Variants in DYNC2H1 observed in about 807,000 individuals in gnomAD.
DYNC2H1 encodes dynein cytoplasmic 2 heavy chain 1.
In DYNC2H1, 410 loss-of-function variants were observed where a neutral mutation model predicts 570.0. The observed-to-expected ratio is 0.72, with a 90% CI of 0.66 to 0.78. The LOEUF (loss-of-function observed/expected upper bound fraction) is 0.78. DYNC2H1 is among the 30% of genes least tolerant of loss of function. The pLI, the probability that DYNC2H1 is intolerant of heterozygous loss-of-function variation, is 0.00. For missense variants in DYNC2H1, 4,865 were observed against 5,046.4 expected (o/e 0.96, Z 1.09); for synonymous variants, 1,688 against 1,677.6 (o/e 1.01, Z -0.15).
At chr11:103,269,575 A>G (rs1865624945) in intron 70 of DYNC2H1, among the ~76,000 whole-genome samples, 1 of 152,190 alleles carries the variant, frequency 6.6e-6, no homozygotes, top group South Asian at 2.1e-4. Flanking sequence ...CAGAAACATG[A>G]TTGACTTATT....
intron 78 of DYNC2H1, 41 bp from the exon 79 acceptor site, chr11:103,311,837 T>C (rs1867602125): frequency 6.5e-7 from 1 of 1,546,190 alleles, no homozygotes; most frequent in East Asian, 2.4e-5. Flanking sequence ...ATTTTACTTG[T>C]AGGATTTTAG....
At chr11:103,144,622 G>T (rs1031218945) in intron 18 of DYNC2H1, among the ~76,000 whole-genome samples, 2 of 152,282 alleles carry the variant, frequency 1.3e-5, no homozygotes, top group Middle Eastern at 3.4e-3. Context: ...TTTTATTAGA[G>T]ACTAGAGGGA....
chr11:103,340,365 C>T (rs17100415), intron 82 of DYNC2H1, among the ~76,000 whole-genome samples: 10 of 151,536 alleles, frequency 6.6e-5, no homozygotes, highest in Admixed American at 4.6e-4. Flanking sequence ...TGCAAAATTA[C>T]GAAAATGTGA....
chr11:103,253,138 A>T, intron 65 of DYNC2H1, 147 bp from the exon 66 acceptor site: 1 of 617,474 alleles, frequency 1.6e-6, no homozygotes, highest in Non-Finnish European at 2.7e-6. Context: ...ACATTCTGCT[A>T]ATAGTATCTC....
At chr11:103,270,206 A>T (rs71464709) in intron 70 of DYNC2H1, among the ~76,000 whole-genome samples, 38 of 131,868 alleles carry the variant, frequency 2.9e-4, no homozygotes, top group East Asian at 2.3e-3. Flanking sequence ...AAAAAAAAAA[A>T]AAATAATAAT....
chr11:103,414,398 A>G (rs1227340892), intron 84 of DYNC2H1, among the ~76,000 whole-genome samples: 1 of 109,648 alleles, frequency 9.1e-6, no homozygotes, highest in East Asian at 3.3e-4. Context: ...AGGCACATGG[A>G]TCACGAGGTC....
intron 52 of DYNC2H1, among the ~76,000 whole-genome samples, chr11:103,208,545 G>A (rs560640243): frequency 1.1e-4 from 17 of 152,220 alleles, no homozygotes; most frequent in Non-Finnish European, 2.4e-4. Flanking sequence ...TGCTGCACAG[G>A]GTATGTGGAA....
chr11:103,136,890 G>A (rs2134787734), intron 17 of DYNC2H1, among the ~76,000 whole-genome samples: 1 of 151,966 alleles, frequency 6.6e-6, no homozygotes, highest in Non-Finnish European at 1.5e-5. Flanking sequence ...AGCACCTGTT[G>A]TTTCCTGACT....
rs1473522761 is a variant in DYNC2H1 at position 103,395,697 on chromosome 11, A to T, written c.12157-3966A>T. Among the ~76,000 whole-genome samples the T allele has an allele frequency of 1.3e-5, 2 of 152,174 alleles. No individual in the cohort carries two copies. Among genetic ancestry groups the T allele is most frequent in the African/African-American group, 4.8e-5 (2 of 41,444 alleles). ...ATTGTCTCTGTTTGGTCATGCTGCC[A>T]TCCCTGAACCAGTCACTGTGGTCAA... On this transcript the variant is annotated intron_variant, in intron 83 of 88. Transcript: ENST00000375735. The surrounding 1 kb of genome is among the most constrained non-coding windows in gnomAD (Gnocchi z 4.3).
intron 84 of DYNC2H1, among the ~76,000 whole-genome samples, chr11:103,428,347 A>G (rs1943755637): frequency 6.6e-6 from 1 of 152,146 alleles, no homozygotes; most frequent in South Asian, 2.1e-4. Flanking sequence ...GGAAAAATGA[A>G]TAGTACATAG....
Position 103,145,872 on chromosome 11 carries a change from TGAA to T in DYNC2H1, c.2703-1899_2703-1897del, listed in dbSNP as rs1860217011. On this transcript the variant is annotated intron_variant, in intron 18 of 88. Coordinates refer to ENST00000375735, the MANE Select transcript of DYNC2H1 (RefSeq NM_001377.3). The surrounding 1 kb of genome is among the most constrained non-coding windows in gnomAD (Gnocchi z 4.2). ...ATTGTGAATATTTTCAAATGAAAGA[TGAA>T]TGTTAGCCTTGTCCACAGCACTCCG... is the stretch of plus-strand genomic sequence containing the variant. 6.6e-6 allele frequency among the ~76,000 whole-genome samples: 1 copy of T among 152,202 alleles called. No homozygotes were observed. The highest frequency in any genetic ancestry group is 1.5e-5 in the Non-Finnish European group (1 of 68,016).
chr11:103,187,525 A>G lies in DYNC2H1; in HGVS notation c.7079A>G (p.Asp2360Gly). 6.2e-7 allele frequency: 1 copy of G among 1,613,352 alleles called. No individual in the cohort carries two copies. Among genetic ancestry groups the G allele is most frequent in the Non-Finnish European group, 8.5e-7 (1 of 1,179,484 alleles). Residue 2360 changes from aspartate to glycine, a missense_variant, in exon 43 of 89, where the codon GAT (aspartate) becomes GGT (glycine). Physicochemically the swap from Asp to Gly is moderately conservative, Grantham distance 94. Around this residue, in one of 5 missense-constraint regions of DYNC2H1, gnomAD observed 2,401 missense variants for 2,454.6 expected, o/e 0.98. Coordinates refer to ENST00000375735, the MANE Select transcript of DYNC2H1 (RefSeq NM_001377.3). ...GAAAGACTTGTTCTGTACTTAAAAG[A>G]TATCAACCTACCTAAACTTGATAAA... ...DCERLVLYLK[D>G]INLPKLDKWG...
In DYNC2H1 at chr11:103,109,501, T is replaced by C; in HGVS notation, c.-74T>C. ...TACGGGTTTGAGCAAAGCTCCTCTC[T>C]TCCCTTCACTTCCCTCCGGACTGGT... On this transcript the variant is annotated 5_prime_UTR_variant, in exon 1 of 89. Transcript: ENST00000375735. 1 of 1,420,128 alleles carries C rather than the reference T, an allele frequency of 7.0e-7. No homozygotes were observed. The highest frequency in any genetic ancestry group is 9.6e-7 in the Non-Finnish European group (1 of 1,036,292). 88.0% of individuals were successfully genotyped at this position (1,420,128 alleles called of 1,614,324 possible).
At chr11:103,364,777 C>G (rs913070194) in intron 83 of DYNC2H1, among the ~76,000 whole-genome samples, 1 of 152,152 alleles carries the variant, frequency 6.6e-6, no homozygotes. Flanking sequence ...ACTGCCATCA[C>G]TACCTCCTCC....
chr11:103,128,825 A>G lies in DYNC2H1; in HGVS notation c.1858-85A>G. On this transcript the variant is annotated intron_variant, in intron 12 of 88. Transcript: ENST00000375735. ...CTGTTTAAATTTTAGGATTGAGAAA[A>G]GTTAACATTTTCATTCAAACAATTA... 3 of 1,174,742 alleles carry G rather than the reference A, an allele frequency of 2.6e-6. No individual in the cohort carries two copies. The East Asian group carries it at 8.1e-5, about 32-fold the overall frequency. The allele number at this position is 1,174,742 out of a possible 1,614,324, so 72.8% of individuals were successfully genotyped here.
intron 83 of DYNC2H1, among the ~76,000 whole-genome samples, chr11:103,385,333 G>A (rs1941827452): frequency 6.6e-6 from 1 of 151,964 alleles, no homozygotes; most frequent in East Asian, 1.9e-4. Flanking sequence ...TGTTCATCAT[G>A]TGTCTTATTT....
intron 83 of DYNC2H1, among the ~76,000 whole-genome samples, chr11:103,372,032 CT>C (rs1156605664): frequency 0.064 from 2,424 of 38,008 alleles, 44 homozygotes; most frequent in Non-Finnish European, 0.074. Context: ...TTGTCTTGTT[CT>C]TTTTTTTTTT....
chr11:103,278,179 A>T (rs866868765), intron 70 of DYNC2H1, among the ~76,000 whole-genome samples: 3 of 152,154 alleles, frequency 2.0e-5, no homozygotes, highest in Non-Finnish European at 4.4e-5. Flanking sequence ...TTTTGCTAGA[A>T]CTGAGTCACC....
At chr11:103,195,494 T>G (rs186627003) in intron 47 of DYNC2H1, among the ~76,000 whole-genome samples, 10 of 152,338 alleles carry the variant, frequency 6.6e-5, no homozygotes, top group Admixed American at 6.5e-4. Context: ...GGTTCTCCAT[T>G]GATGTATGTA....
Sources: gnomAD v4.1 joint callset for allele counts (sites outside exome capture counted in the v4.1 genomes callset) on GRCh38, gnomAD v4.1.1 for gene constraint, gnomAD v4.1.1 regional missense constraint, Gnocchi (gnomAD v3.1) non-coding constraint, MANE v1.5 for transcripts, NCBI Gene and HGNC (gene_info 2026-07-23, HGNC 2026-07-21) for gene names.